EFCAB5: variants seen among roughly 807,000 people sequenced by gnomAD.
The protein encoded by EFCAB5 is EF-hand calcium binding domain 5.
A neutral mutation model predicts 167.9 loss-of-function variants in EFCAB5; 131 were observed. That is an observed-to-expected ratio of 0.78 (90% CI 0.68 to 0.90). The LOEUF (loss-of-function observed/expected upper bound fraction) is 0.90, where lower values mean the gene tolerates loss of function less well. Ranked by LOEUF, EFCAB5 falls within the 40% of genes least tolerant of loss-of-function variation. EFCAB5 has a pLI of 0.00. For synonymous variants in EFCAB5, 574 were observed against 602.8 expected (o/e 0.95, Z 0.70); for missense variants, 1,663 against 1,745.2 (o/e 0.95, Z 0.84).
intron 4 of EFCAB5, among the ~76,000 whole-genome samples, chr17:29,989,265 A>G (rs1339073982): frequency 2.0e-5 from 3 of 152,214 alleles, no homozygotes; most frequent in East Asian, 1.9e-4. Context: ...TTTGCAAGTG[A>G]TCATAACATT....
intron 19 of EFCAB5, among the ~76,000 whole-genome samples, chr17:30,089,284 A>G (rs1305214631): frequency 6.6e-6 from 1 of 152,174 alleles, no homozygotes; most frequent in Non-Finnish European, 1.5e-5. Flanking sequence ...GCCTAGTATG[A>G]TGCATTATTA....
intron 22 of EFCAB5, among the ~76,000 whole-genome samples, chr17:30,107,542 T>C (rs2071464555): frequency 6.6e-6 from 1 of 152,222 alleles, no homozygotes; most frequent in Admixed American, 6.5e-5. Context: ...AGCCGTTTAA[T>C]TGTGCCCAAA....
chr17:29,982,043 A>C (rs966391719), intron 4 of EFCAB5, among the ~76,000 whole-genome samples: 1 of 152,232 alleles, frequency 6.6e-6, no homozygotes, highest in African/African-American at 2.4e-5. Flanking sequence ...AAAATAAGTA[A>C]GTATAAGAAG....
chr17:30,078,076 A>G (rs1473338771), intron 14 of EFCAB5, 139 bp from the exon 15 acceptor site: 26 of 793,390 alleles, frequency 3.3e-5, no homozygotes, highest in Non-Finnish European at 4.9e-5. Flanking sequence ...CACTGGGCTC[A>G]GAGATGCCTT....
In EFCAB5 at chr17:30,090,666, A is replaced by G. The variant is rs199740366; in HGVS notation, c.3929A>G (p.Tyr1310Cys). ...GEFSGEIKKK[Y>C]ILEIENVREV... ...TTCTCTGGAGAGATAAAGAAAAAAT[A>G]TATCTTAGGTATCGTTCATGTGGCA... Residue 1310 changes from tyrosine to cysteine, a missense_variant, in exon 20 of 23, where the codon TAT (tyrosine) becomes TGT (cysteine). Tyr to Cys is a radical substitution (Grantham distance 194, BLOSUM62 -2). Transcript: ENST00000394835. 6.1e-5 allele frequency: 98 copies of G among 1,611,770 alleles called. No individual in the cohort carries two copies. Among genetic ancestry groups the G allele is most frequent in the Non-Finnish European group, 8.1e-5 (96 of 1,179,398 alleles).
chr17:30,065,347 A>C (rs2070535518), intron 14 of EFCAB5, among the ~76,000 whole-genome samples: 1 of 152,210 alleles, frequency 6.6e-6, no homozygotes, highest in Non-Finnish European at 1.5e-5. Flanking sequence ...TAAAAGATAT[A>C]GATTAGCTCA....
chr17:30,083,015 C>G lies in EFCAB5; in HGVS notation c.3551C>G (p.Thr1184Arg). The G allele has an allele frequency of 6.2e-7, 1 of 1,613,982 alleles. No individual in the cohort carries two copies. The highest frequency in any genetic ancestry group is 8.5e-7 in the Non-Finnish European group (1 of 1,179,870). Reference protein sequence around the residue: ...DVTSSITSITTYFVEPSPAQD... With the variant: ...DVTSSITSITRYFVEPSPAQD... Reference sequence around the variant, plus strand: ...ACATCCAGCATCACCTCCATCACTACGTACTTTGTAGAGCCTAGCCCAGCC... The same window carrying G: ...ACATCCAGCATCACCTCCATCACTAGGTACTTTGTAGAGCCTAGCCCAGCC... Residue 1184 changes from threonine to arginine, a missense_variant, in exon 18 of 23, where the codon ACG (threonine) becomes AGG (arginine). Transcript: ENST00000394835.
intron 7 of EFCAB5, among the ~76,000 whole-genome samples, chr17:30,029,666 C>A (rs953986906): frequency 2.0e-5 from 3 of 151,890 alleles, no homozygotes; most frequent in African/African-American, 7.3e-5. Context: ...ACAAATATAA[C>A]CTGAGTACTT....
chr17:29,969,672 A>T (rs2067909578), intron 4 of EFCAB5, among the ~76,000 whole-genome samples: 1 of 152,148 alleles, frequency 6.6e-6, no homozygotes. Flanking sequence ...ACTTTTTAAA[A>T]ATTTAATTTT....
At chr17:30,027,349 G>T (rs918309476) in intron 7 of EFCAB5, among the ~76,000 whole-genome samples, 1 of 133,614 alleles carries the variant, frequency 7.5e-6, no homozygotes, top group African/African-American at 2.9e-5. Context: ...TAATTCTTAT[G>T]GCAAAGTAGC....
rs1473168563 is a variant in EFCAB5 at position 29,943,649 on chromosome 17, G to T, written c.190G>T (p.Glu64Ter). Residue 64 changes from glutamate (E) to a stop codon, truncating the protein, a stop_gained and splice_region_variant, in exon 3 of 23, where the codon GAA (glutamate) becomes TAA (stop). Coordinates refer to ENST00000394835, the MANE Select transcript of EFCAB5 (RefSeq NM_198529.4). LOFTEE classifies it high-confidence loss of function. ...EKAMDEIKSQ[E>*]LNLEGQRKIS... ...AGCAATGGATGAAATCAAATCCCAAGGTAGAGAACTAGCCTTTCTCTTATA... is the reference window on the plus strand; with the variant it reads ...AGCAATGGATGAAATCAAATCCCAATGTAGAGAACTAGCCTTTCTCTTATA... 6.4e-7 allele frequency: 1 copy of T among 1,569,508 alleles called. No homozygotes were observed. The highest frequency in any genetic ancestry group is 1.2e-5 in the South Asian group (1 of 85,072).
rs368130548 is a variant in EFCAB5 at position 30,053,745 on chromosome 17, A to T, written c.1791A>T (p.Gly597=). 2 of 1,613,868 alleles carry T rather than the reference A, an allele frequency of 1.2e-6. No homozygotes were observed. Among genetic ancestry groups the T allele is most frequent in the African/African-American group, 1.3e-5 (1 of 74,898 alleles). ...GCAGAGTGTCAGTTTCAGAACAAGG[A>T]TCAAGCAGAGAGTCAGTTGCAGAAC... The part of the protein sequence containing the change: ...GPRRVSVSEQ[G]SSRESVAEQG... The change falls in exon 10 of 23, where the codon GGA becomes GGT. Residue 597 remains glycine, a synonymous_variant. Transcript: ENST00000394835.
At chr17:29,992,885 G>A (rs1597634602) in intron 4 of EFCAB5, among the ~76,000 whole-genome samples, 1 of 152,270 alleles carries the variant, frequency 6.6e-6, no homozygotes, top group African/African-American at 2.4e-5. Context: ...CACAATGGTT[G>A]TACTAATTCA....
intron 17 of EFCAB5, among the ~76,000 whole-genome samples, chr17:30,081,370 G>C (rs918445175): frequency 2.0e-5 from 3 of 152,136 alleles, no homozygotes; most frequent in Admixed American, 6.5e-5. Flanking sequence ...TCTACAAATG[G>C]TACTAATTCT....
chr17:29,993,224 A>G lies in EFCAB5; in HGVS notation c.827A>G (p.Lys276Arg). 6.2e-7 allele frequency: 1 copy of G among 1,613,858 alleles called. No individual in the cohort carries two copies. Among genetic ancestry groups the G allele is most frequent in the Non-Finnish European group, 8.5e-7 (1 of 1,179,840 alleles). ...AGAAAACAAAGAGAAAGCATAGACA[A>G]AATCATAGTCAAGGTGGCCAACACA... The part of the protein sequence containing the change: ...QNRKQRESID[K>R]IIVKVANTRK... The change falls in exon 5 of 23, where the codon AAA (lysine) becomes AGA (arginine). Residue 276 changes from lysine to arginine, a missense_variant. Physicochemically the swap from Lys to Arg is conservative, Grantham distance 26. Transcript: ENST00000394835.
chr17:29,956,366 A>G (rs151291035), intron 3 of EFCAB5, among the ~76,000 whole-genome samples: 2 of 152,350 alleles, frequency 1.3e-5, no homozygotes, highest in African/African-American at 2.4e-5. Flanking sequence ...ACAAGGTCAC[A>G]TGACATTTAT....
intron 19 of EFCAB5, 88 bp downstream of exon 19, chr17:30,087,254 C>T (rs2071107784): frequency 3.1e-6 from 3 of 971,308 alleles, no homozygotes; most frequent in East Asian, 5.0e-5. Context: ...CTGACTCTTG[C>T]TCATACACGC....
chr17:30,085,517 G>A (rs918926784), intron 18 of EFCAB5, among the ~76,000 whole-genome samples: 1 of 152,076 alleles, frequency 6.6e-6, no homozygotes, highest in African/African-American at 2.4e-5. Flanking sequence ...TCAGGAGATC[G>A]AGACCATCCT....
At chr17:30,087,349 A>T (rs2071110500) in intron 19 of EFCAB5, among the ~76,000 whole-genome samples, 183 bp downstream of exon 19, 2 of 152,298 alleles carry the variant, frequency 1.3e-5, no homozygotes, top group South Asian at 2.1e-4. Context: ...TTTGTTACAC[A>T]GGTAAACTTG....
Sources: gnomAD v4.1 joint callset for allele counts (sites outside exome capture counted in the v4.1 genomes callset) on GRCh38, gnomAD v4.1.1 for gene constraint, MANE v1.5 for transcripts, NCBI Gene and HGNC (gene_info 2026-07-23, HGNC 2026-07-21) for gene names.